CPEB2: variants seen among roughly 807,000 people sequenced by gnomAD.
The protein encoded by CPEB2 is cytoplasmic polyadenylation element-binding protein 2.
A neutral mutation model predicts 93.6 loss-of-function variants in CPEB2; 56 were observed. That is an observed-to-expected ratio of 0.60 (90% CI 0.48 to 0.75). The LOEUF (loss-of-function observed/expected upper bound fraction) is 0.75, where lower values mean the gene tolerates loss of function less well. Among genes scored for constraint, CPEB2 ranks in the 30% least tolerant of loss-of-function variants. The pLI is 0.00. For missense variants in CPEB2, 1,579 were observed against 1,395.1 expected (o/e 1.13, Z -2.10); for synonymous variants, 764 against 586.3 (o/e 1.30, Z -4.38).
intron 4 of CPEB2, among the ~76,000 whole-genome samples, chr4:15,021,204 C>T (rs1287712154): frequency 6.6e-6 from 1 of 152,056 alleles, no homozygotes; most frequent in African/African-American, 2.4e-5. Flanking sequence ...TGGCACTGAC[C>T]CGTCTGCTTT....
At chr4:15,024,487 C>T (rs984878530) in intron 4 of CPEB2, among the ~76,000 whole-genome samples, 1 of 152,108 alleles carries the variant, frequency 6.6e-6, no homozygotes, top group Non-Finnish European at 1.5e-5. Context: ...GAATCCTGTT[C>T]ATTTGTATGA....
At position 15,069,022 on chromosome 4, in the gene CPEB2, T is replaced by C. The variant is rs1167107401; in HGVS notation, c.*2642T>C. 1 of 152,146 alleles carries C rather than the reference T, an allele frequency of 6.6e-6. No individual in the cohort carries two copies. The highest frequency in any genetic ancestry group is 1.5e-5 in the Non-Finnish European group (1 of 67,814). 9.4% of individuals were successfully genotyped at this position (152,146 alleles called of 1,614,324 possible). On this transcript the variant is annotated 3_prime_UTR_variant, in exon 12 of 12. Transcript: ENST00000538197. The stretch of plus-strand genomic sequence containing the variant: ...GATCATATTTATTTTACTATTTTTG[T>C]AGAAAATTATTAATTTTGATTGTAT...
At chr4:15,053,260 C>A (rs1377802150) in intron 7 of CPEB2, among the ~76,000 whole-genome samples, 1 of 152,088 alleles carries the variant, frequency 6.6e-6, no homozygotes, top group Non-Finnish European at 1.5e-5. Flanking sequence ...TCATGATCCG[C>A]CCACTTTAGC....
chr4:15,042,172 A>C (rs112805324), intron 6 of CPEB2, among the ~76,000 whole-genome samples: 4,090 of 152,232 alleles, frequency 0.027, 88 homozygotes, highest in South Asian at 0.14. Flanking sequence ...TTGCCTTGTT[A>C]AACATTTTTC....
At chr4:15,004,618 C>G (rs1427596087) in intron 1 of CPEB2, among the ~76,000 whole-genome samples, 1 of 151,774 alleles carries the variant, frequency 6.6e-6, no homozygotes, top group Non-Finnish European at 1.5e-5. Context: ...CTCGAACGTC[C>G]CGGCGCAGCA....
intron 6 of CPEB2, among the ~76,000 whole-genome samples, chr4:15,050,303 G>A (rs1263450805): frequency 1.3e-5 from 2 of 152,126 alleles, no homozygotes; most frequent in African/African-American, 4.8e-5. Flanking sequence ...AATGCCTGAT[G>A]ATCTGAGGTG....
rs887653599 is a variant in CPEB2 at position 15,050,982 on chromosome 4, T to G, written c.2201-1432T>G. Among the ~76,000 whole-genome samples the G allele has an allele frequency of 6.6e-5, 10 of 152,248 alleles. 1 individual carries two copies. Among genetic ancestry groups the G allele is most frequent in the African/African-American group, 2.4e-4 (10 of 41,466 alleles). On this transcript the variant is annotated intron_variant, in intron 6 of 11. Coordinates refer to ENST00000538197, the MANE Select transcript of CPEB2 (RefSeq NM_001177382.2). ...AACATCCTAACAGCATATAAAACTT[T>G]ACATCTAAAGCTTAAATTATTTTCC...
intron 4 of CPEB2, among the ~76,000 whole-genome samples, chr4:15,031,685 A>G (rs1320507531): frequency 1.3e-5 from 2 of 152,208 alleles, no homozygotes; most frequent in African/African-American, 4.8e-5. Flanking sequence ...AAAATATTCC[A>G]TAGTTAACTT....
chr4:15,019,764 CTCT>C (rs1724610501), intron 4 of CPEB2, among the ~76,000 whole-genome samples: 1 of 151,964 alleles, frequency 6.6e-6, no homozygotes, highest in Admixed American at 6.6e-5. Flanking sequence ...TGAATTATTT[CTCT>C]TTATATTAAT....
intron 8 of CPEB2, among the ~76,000 whole-genome samples, chr4:15,055,012 C>T (rs1306151800): frequency 6.6e-6 from 1 of 152,076 alleles, no homozygotes; most frequent in Non-Finnish European, 1.5e-5. Context: ...AGAAAAGACC[C>T]CAATAGAACT....
chr4:15,002,876 C>A lies in CPEB2; in HGVS notation c.203C>A (p.Pro68His), dbSNP rs920277251. ...GAGGCCGCCTCCCCCTTCTCCGTCCCCCTCGGCGGCGGCGCGGGCAGCCCG... is the reference window on the plus strand; with the variant it reads ...GAGGCCGCCTCCCCCTTCTCCGTCCACCTCGGCGGCGGCGCGGGCAGCCCG... The part of the protein sequence containing the change: ...FLEAASPFSV[P>H]LGGGAGSPAA... The change falls in exon 1 of 12, where the codon CCC becomes CAC. Residue 68 changes from proline (P) to histidine (H), a missense_variant. Around this residue, in one of 2 missense-constraint regions of CPEB2, gnomAD observed 1,411 missense variants for 1,056.0 expected, o/e 1.34. Transcript: ENST00000538197. 1.3e-6 allele frequency: 2 copies of A among 1,519,304 alleles called. No homozygotes were observed. The highest frequency in any genetic ancestry group is 2.5e-5 in the East Asian group (1 of 40,642). 94.1% of individuals were successfully genotyped at this position (1,519,304 alleles called of 1,614,324 possible). A position where few individuals can be genotyped will look rare whatever the true frequency, so the allele number is the denominator to read the frequency against.
chr4:15,056,705 A>G (rs1187365877), intron 8 of CPEB2, among the ~76,000 whole-genome samples: 1 of 152,214 alleles, frequency 6.6e-6, no homozygotes, highest in Non-Finnish European at 1.5e-5. Context: ...TTGTAATTAC[A>G]GCAGTGACTA....
intron 5 of CPEB2, among the ~76,000 whole-genome samples, chr4:15,034,746 T>G (rs1413190494): frequency 6.6e-6 from 1 of 152,160 alleles, no homozygotes; most frequent in African/African-American, 2.4e-5. Flanking sequence ...ATTGGGAATA[T>G]TTGTGGGTTA....
Position 15,002,611 on chromosome 4 carries a change from G to A in CPEB2, c.-63G>A. 4 of 1,364,478 alleles carry A rather than the reference G, an allele frequency of 2.9e-6. No individual in the cohort carries two copies. Among genetic ancestry groups the A allele is most frequent in the Admixed American group, 2.8e-5 (1 of 36,100 alleles). 84.5% of individuals were successfully genotyped at this position (1,364,478 alleles called of 1,614,324 possible). On this transcript the variant is annotated 5_prime_UTR_variant, in exon 1 of 12. Coordinates refer to ENST00000538197, the MANE Select transcript of CPEB2 (RefSeq NM_001177382.2). ...ACCACGGCCGCGCAACCCCAGCGCC[G>A]GCGGCTTCCTAGGTGGGGCAGGGGA...
chr4:15,058,640 T>C, intron 9 of CPEB2, 101 bp downstream of exon 9: 2 of 725,352 alleles, frequency 2.8e-6, no homozygotes, highest in Non-Finnish European at 4.8e-6. Flanking sequence ...AACTACCATG[T>C]TGAGTTTTAG....
intron 6 of CPEB2, among the ~76,000 whole-genome samples, chr4:15,044,080 A>G (rs1419408107): frequency 6.6e-6 from 1 of 152,226 alleles, no homozygotes. Context: ...GAAATCCTTG[A>G]TAAATAACTT....
At chr4:15,038,795 G>A (rs1726894151) in intron 5 of CPEB2, among the ~76,000 whole-genome samples, 1 of 151,936 alleles carries the variant, frequency 6.6e-6, no homozygotes, top group African/African-American at 2.4e-5. Context: ...CACCATATTG[G>A]TCAGGCTGGT....
At chr4:15,046,822 T>G (rs768667962) in intron 6 of CPEB2, among the ~76,000 whole-genome samples, 3 of 152,234 alleles carry the variant, frequency 2.0e-5, no homozygotes, top group Non-Finnish European at 4.4e-5. Flanking sequence ...GTCTAAATTT[T>G]AATAAAAATC....
At chr4:15,061,993 G>T in intron 10 of CPEB2, 86 bp from the exon 11 acceptor site, 1 of 1,228,452 alleles carries the variant, frequency 8.1e-7, no homozygotes, top group South Asian at 1.6e-5. Flanking sequence ...ATATACTATT[G>T]ACTTTTACGT....
Sources: gnomAD v4.1 joint callset for allele counts (sites outside exome capture counted in the v4.1 genomes callset) on GRCh38, gnomAD v4.1.1 for gene constraint, gnomAD v4.1.1 regional missense constraint, MANE v1.5 for transcripts, NCBI Gene and HGNC (gene_info 2026-07-23, HGNC 2026-07-21) for gene names.